Variants in PTK2B observed in about 807,000 individuals in gnomAD.
The protein encoded by PTK2B is protein-tyrosine kinase 2-beta.
PTK2B carries 71 observed loss-of-function variants against 142.9 expected under a neutral mutation model. The observed-to-expected ratio is 0.50, with a 90% CI of 0.41 to 0.61. The LOEUF is 0.61. Ranked by LOEUF, PTK2B falls within the 20% of genes least tolerant of loss-of-function variation. The probability of loss-of-function intolerance (pLI) is 0.00; values close to 1 mark genes in which losing one functional copy is unlikely to be tolerated. For synonymous variants in PTK2B, 519 were observed against 503.4 expected (o/e 1.03, Z -0.42); for missense variants, 1,105 against 1,320.4 (o/e 0.84, Z 2.53).
chr8:27,429,380 A>C (rs1235107280), intron 5 of PTK2B, among the ~76,000 whole-genome samples: 1 of 152,230 alleles, frequency 6.6e-6, no homozygotes, highest in African/African-American at 2.4e-5. Context: ...CAGGAGTAGG[A>C]TAATGTCTGC....
chr8:27,361,068 C>T lies in PTK2B; in HGVS notation c.-38+35387C>T, dbSNP rs192515720. Among the ~76,000 whole-genome samples, 163 of 152,204 alleles carry T rather than the reference C, an allele frequency of 1.1e-3. 4 individuals are homozygous for T. The highest frequency in any genetic ancestry group is 5.9e-5 in the Non-Finnish European group (4 of 68,002). ...CTGGGCTTGTAGTGCAACCATCACC[C>T]GAATACTGTTTATTGTACCCATTAA... is the stretch of plus-strand genomic sequence containing the variant. On this transcript the variant is annotated intron_variant, in intron 1 of 30. Transcript: ENST00000346049.
At chr8:27,434,171 C>G in intron 12 of PTK2B, 39 bp downstream of exon 12, 2 of 1,603,556 alleles carry the variant, frequency 1.2e-6, no homozygotes, top group Non-Finnish European at 1.7e-6. Context: ...GCCCTGAGCT[C>G]AGCCTGTGCT....
chr8:27,438,039 T>C (rs1810901556), intron 18 of PTK2B, 159 bp downstream of exon 18: 2 of 636,220 alleles, frequency 3.1e-6, no homozygotes, highest in South Asian at 1.8e-5. Flanking sequence ...TCTCTGACCC[T>C]GTGTCCTCAT....
chr8:27,384,753 T>C (rs1474347422), intron 1 of PTK2B, among the ~76,000 whole-genome samples: 2 of 152,206 alleles, frequency 1.3e-5, no homozygotes, highest in South Asian at 4.1e-4. Flanking sequence ...ATGGTCTCCA[T>C]GCACTAGGTC....
At chr8:27,348,659 A>G (rs1300680126) in intron 1 of PTK2B, among the ~76,000 whole-genome samples, 1 of 152,184 alleles carries the variant, frequency 6.6e-6, no homozygotes, top group Non-Finnish European at 1.5e-5. Flanking sequence ...ATAGTGGCTC[A>G]TCATCCGGGG....
chr8:27,425,236 T>G (rs892299786), intron 5 of PTK2B, among the ~76,000 whole-genome samples: 1 of 151,536 alleles, frequency 6.6e-6, no homozygotes, highest in Non-Finnish European at 1.5e-5. Flanking sequence ...TATTGCATAG[T>G]ATACTATAGT....
At chr8:27,336,423 C>A (rs1270684806) in intron 1 of PTK2B, among the ~76,000 whole-genome samples, 1 of 152,124 alleles carries the variant, frequency 6.6e-6, no homozygotes, top group Non-Finnish European at 1.5e-5. Context: ...TATGGAGAGT[C>A]ACTGTTACAT....
Position 27,435,778 on chromosome 8 carries a change from C to A in PTK2B, c.1228C>A (p.Leu410Met). The A allele has an allele frequency of 6.2e-7, 1 of 1,614,150 alleles. No individual in the cohort carries two copies. The highest frequency in any genetic ancestry group is 8.5e-7 in the Non-Finnish European group (1 of 1,180,028). The change falls in exon 14 of 31, where the codon CTG (leucine) becomes ATG (methionine). Residue 410 changes from leucine to methionine, a missense_variant. Coordinates refer to ENST00000346049, the MANE Select transcript of PTK2B (RefSeq NM_173176.3). ...DIYAEIPDET[L>M]RRPGGPQYGI... The stretch of plus-strand genomic sequence containing the variant: ...CTACGCAGAGATTCCCGACGAAACC[C>A]TGCGAAGGCCCGGAGGTAGGTTCTC...
chr8:27,427,039 C>G (rs1419345869), intron 5 of PTK2B, among the ~76,000 whole-genome samples: 2 of 152,194 alleles, frequency 1.3e-5, no homozygotes, highest in Non-Finnish European at 2.9e-5. Flanking sequence ...GGAGACCACT[C>G]TCCGTCGTGG....
intron 1 of PTK2B, among the ~76,000 whole-genome samples, chr8:27,367,429 A>C (rs1175812640): frequency 6.6e-6 from 1 of 152,170 alleles, no homozygotes; most frequent in East Asian, 1.9e-4. Context: ...GGGCTTGCCC[A>C]CCTGTCCATG....
intron 4 of PTK2B, 109 bp from the exon 5 acceptor site, chr8:27,422,195 T>A: frequency 9.8e-7 from 1 of 1,019,118 alleles, no homozygotes; most frequent in Non-Finnish European, 1.4e-6. Flanking sequence ...GTGGGGTGGG[T>A]GGCTGTCACT....
At chr8:27,383,851 A>G (rs1465771731) in intron 1 of PTK2B, among the ~76,000 whole-genome samples, 2 of 80,590 alleles carry the variant, frequency 2.5e-5, no homozygotes, top group Non-Finnish European at 6.1e-5. Flanking sequence ...ACACCTGGCT[A>G]ATTTTTTTTT....
At chr8:27,431,925 G>C (rs1810452850) in intron 9 of PTK2B, among the ~76,000 whole-genome samples, 1 of 152,142 alleles carries the variant, frequency 6.6e-6, no homozygotes, top group Non-Finnish European at 1.5e-5. Flanking sequence ...GTGGTCCCAG[G>C]ATGGCTTTGA....
At position 27,444,223 on chromosome 8, in the gene PTK2B, C is replaced by G. The variant is rs1811329128; in HGVS notation, c.2166C>G (p.Tyr722Ter). The G allele has an allele frequency of 1.2e-6, 2 of 1,613,828 alleles. No individual in the cohort carries two copies. Among genetic ancestry groups the G allele is most frequent in the Non-Finnish European group, 1.7e-6 (2 of 1,179,754 alleles). The change falls in exon 23 of 31, where the codon TAC (tyrosine) becomes TAG (stop). Residue 722 changes from tyrosine to a stop codon, truncating the protein, a stop_gained. Coordinates refer to ENST00000346049, the MANE Select transcript of PTK2B (RefSeq NM_173176.3). LOFTEE classifies it high-confidence loss of function. ...EPPPKPSRPKYRPPPQTNLLA... is the reference protein window; with the variant it reads ...EPPPKPSRPK The stretch of plus-strand genomic sequence containing the variant: ...CTCTCCAGCCCAGCCGACCTAAGTA[C>G]AGACCCCCTCCGCAAACCAACCTCC...
chr8:27,354,913 AT>A (rs1360183868), intron 1 of PTK2B, among the ~76,000 whole-genome samples: 5 of 151,710 alleles, frequency 3.3e-5, no homozygotes, highest in African/African-American at 1.2e-4. Flanking sequence ...CAAGGATGAT[AT>A]TTTTATTATA....
chr8:27,335,673 A>G (rs1163399579), intron 1 of PTK2B, among the ~76,000 whole-genome samples: 1 of 151,874 alleles, frequency 6.6e-6, no homozygotes, highest in South Asian at 2.1e-4. Flanking sequence ...GCCTGTGTTC[A>G]TGCCCTGGGG....
chr8:27,404,479 C>T (rs1248918091), intron 2 of PTK2B, among the ~76,000 whole-genome samples: 1 of 152,174 alleles, frequency 6.6e-6, no homozygotes, highest in Non-Finnish European at 1.5e-5. Flanking sequence ...GGGGCAGAGG[C>T]TGCAGCCATC....
chr8:27,430,624 G>A (rs1001806791), intron 7 of PTK2B, among the ~76,000 whole-genome samples: 4 of 152,114 alleles, frequency 2.6e-5, no homozygotes, highest in South Asian at 4.1e-4. Context: ...GCTCCGTATC[G>A]AGGCCGTATC....
chr8:27,400,659 C>A (rs1308318232), intron 2 of PTK2B, among the ~76,000 whole-genome samples: 1 of 152,140 alleles, frequency 6.6e-6, no homozygotes, highest in African/African-American at 2.4e-5. Context: ...AAAAGGATGA[C>A]TCAAGCTTTT....
Sources: gnomAD v4.1 joint callset for allele counts (sites outside exome capture counted in the v4.1 genomes callset) on GRCh38, gnomAD v4.1.1 for gene constraint, MANE v1.5 for transcripts, NCBI Gene and HGNC (gene_info 2026-07-23, HGNC 2026-07-21) for gene names.